RALYL: variants seen among roughly 807,000 people sequenced by gnomAD.
The protein encoded by RALYL is RNA-binding Raly-like protein.
Under a neutral mutation model 35.1 loss-of-function variants are expected in RALYL, and 29 were observed. The ratio of observed to expected loss-of-function variants is 0.83; its 90% CI spans 0.61 to 1.13. RALYL has a LOEUF of 1.13. Among genes scored for constraint, RALYL ranks in the 50% most tolerant of loss-of-function variants. The pLI, the probability that RALYL is intolerant of heterozygous loss-of-function variation, is 0.00. For missense variants in RALYL, 359 were observed against 360.4 expected, an observed-to-expected ratio of 1.00 and a Z score of 0.03; for synonymous variants, 120 against 127.6, an observed-to-expected ratio of 0.94 and a Z score of 0.40.
intron 2 of RALYL, among the ~76,000 whole-genome samples, chr8:84,687,395 G>GA (rs914576769): frequency 2.0e-5 from 3 of 152,010 alleles, no homozygotes; most frequent in African/African-American, 7.2e-5. Flanking sequence ...CATCGAATGG[G>GA]AAAAAATACC....
intron 4 of RALYL, among the ~76,000 whole-genome samples, chr8:84,826,407 A>C (rs1829719707): frequency 6.6e-6 from 1 of 152,028 alleles, no homozygotes; most frequent in African/African-American, 2.4e-5. Flanking sequence ...GCTGGGTATC[A>C]GAAATAACAT....
chr8:84,632,731 C>T (rs914117945), intron 2 of RALYL, among the ~76,000 whole-genome samples: 1 of 151,766 alleles, frequency 6.6e-6, no homozygotes, highest in Middle Eastern at 3.2e-3. Flanking sequence ...AAGTACCCCA[C>T]CAAGTTTTGT....
At chr8:84,379,738 C>T (rs1857580415) in intron 1 of RALYL, among the ~76,000 whole-genome samples, 1 of 150,622 alleles carries the variant, frequency 6.6e-6, no homozygotes, top group Admixed American at 6.6e-5. Context: ...GAAGTGCAAA[C>T]AAGAGAATAA....
At chr8:84,711,137 T>C (rs1425146235) in intron 2 of RALYL, among the ~76,000 whole-genome samples, 2 of 151,990 alleles carry the variant, frequency 1.3e-5, no homozygotes, top group Non-Finnish European at 2.9e-5. Context: ...TGAGGAACAT[T>C]GGGATAATTG....
At chr8:84,519,012 A>G (rs767957139) in intron 1 of RALYL, among the ~76,000 whole-genome samples, 1 of 152,230 alleles carries the variant, frequency 6.6e-6, no homozygotes, top group Non-Finnish European at 1.5e-5. Flanking sequence ...GGGATACAGC[A>G]GAGTTTGATT....
intron 2 of RALYL, among the ~76,000 whole-genome samples, chr8:84,711,136 T>C (rs1005508268): frequency 6.6e-6 from 1 of 151,968 alleles, no homozygotes; most frequent in East Asian, 1.9e-4. Flanking sequence ...CTGAGGAACA[T>C]TGGGATAATT....
chr8:84,765,303 G>A (rs904064232), intron 2 of RALYL, among the ~76,000 whole-genome samples: 14 of 152,140 alleles, frequency 9.2e-5, no homozygotes, highest in Admixed American at 7.9e-4. Flanking sequence ...GAAGAACAAG[G>A]AGAGGTAGTG....
chr8:84,387,562 T>C (rs1020276168), intron 1 of RALYL, among the ~76,000 whole-genome samples: 25 of 152,026 alleles, frequency 1.6e-4, no homozygotes, highest in African/African-American at 6.0e-4. Context: ...ATTTTTTAAG[T>C]ATCTCTCAGT....
chr8:84,756,166 C>A (rs181210211), intron 2 of RALYL, among the ~76,000 whole-genome samples: 1 of 151,804 alleles, frequency 6.6e-6, no homozygotes, highest in Non-Finnish European at 1.5e-5. Context: ...CTCATCCCCC[C>A]CAAAAAAACC....
intron 1 of RALYL, among the ~76,000 whole-genome samples, chr8:84,446,145 G>A (rs2048828523): frequency 6.6e-6 from 1 of 151,904 alleles, no homozygotes; most frequent in African/African-American, 2.4e-5. Flanking sequence ...TTTGATATGT[G>A]TGCTTATATT....
chr8:84,323,629 C>T (rs1229636776), intron 1 of RALYL, among the ~76,000 whole-genome samples: 1 of 152,078 alleles, frequency 6.6e-6, no homozygotes, highest in Admixed American at 6.6e-5. Flanking sequence ...TAAACCAGCA[C>T]ATCAGTAGGT....
intron 2 of RALYL, among the ~76,000 whole-genome samples, chr8:84,610,447 G>T (rs991405038): frequency 5.9e-5 from 9 of 152,054 alleles, no homozygotes; most frequent in African/African-American, 2.2e-4. Flanking sequence ...CACAACAAAG[G>T]ATACATATAT....
At chr8:84,822,787 G>A (rs1828815335) in intron 4 of RALYL, among the ~76,000 whole-genome samples, 1 of 152,122 alleles carries the variant, frequency 6.6e-6, no homozygotes. Flanking sequence ...TTGCCTAACA[G>A]TACCCGCCAA....
chr8:84,675,315 A>G (rs1055174425), intron 2 of RALYL, among the ~76,000 whole-genome samples: 13 of 152,070 alleles, frequency 8.5e-5, no homozygotes. Context: ...TCTTTTTTCA[A>G]AAGTATGTAT....
chr8:84,692,878 T>C (rs1402198604), intron 2 of RALYL, among the ~76,000 whole-genome samples: 1 of 151,928 alleles, frequency 6.6e-6, no homozygotes, highest in Non-Finnish European at 1.5e-5. Flanking sequence ...GACATGGTAA[T>C]GGATCCACGA....
intron 1 of RALYL, among the ~76,000 whole-genome samples, chr8:84,206,202 A>G (rs573109503): frequency 5.3e-5 from 8 of 152,190 alleles, no homozygotes; most frequent in Admixed American, 3.3e-4. Flanking sequence ...TCTTCTAAGC[A>G]CTGTGGGAAA....
intron 2 of RALYL, among the ~76,000 whole-genome samples, chr8:84,639,623 T>G (rs1417125582): frequency 2.0e-5 from 3 of 151,924 alleles, no homozygotes; most frequent in Admixed American, 1.3e-4. Context: ...TATTCTCCCT[T>G]TTTTGTCAAA....
chr8:84,412,918 C>T (rs2044241512), intron 1 of RALYL, among the ~76,000 whole-genome samples: 1 of 151,704 alleles, frequency 6.6e-6, no homozygotes, highest in Admixed American at 6.6e-5. Context: ...GTGGTTATGA[C>T]AGCAAAGTCC....
chr8:84,294,778 G>A (rs1167813695), intron 1 of RALYL, among the ~76,000 whole-genome samples: 1 of 151,618 alleles, frequency 6.6e-6, no homozygotes, highest in East Asian at 1.9e-4. Context: ...AAAAAAAAAA[G>A]AATCTGGGAA....
Sources: allele counts gnomAD v4.1 joint callset (sites outside exome capture counted in the v4.1 genomes callset), GRCh38; gene constraint gnomAD v4.1.1; transcripts MANE v1.5; gene names NCBI Gene and HGNC (gene_info 2026-07-23, HGNC 2026-07-21).